The following IFIH1 variants were observed in gnomAD, a reference collection of about 807,000 sequenced individuals.
IFIH1 encodes the protein interferon-induced helicase C domain-containing protein 1.
IFIH1 carries 125 observed loss-of-function variants against 107.4 expected under a neutral mutation model. The observed-to-expected ratio is 1.16, with a 90% CI of 1.01 to 1.35. The LOEUF is 1.35. IFIH1 is among the 40% of genes most tolerant of loss of function. The pLI is 0.00. For synonymous variants in IFIH1, 458 were observed against 413.2 expected (o/e 1.11, Z -1.31); for missense variants, 1,333 against 1,213.7 (o/e 1.10, Z -1.46).
At chr2:162,317,068 T>G (rs1683505558) in intron 1 of IFIH1, among the ~76,000 whole-genome samples, 1 of 150,714 alleles carries the variant, frequency 6.6e-6, no homozygotes, top group Non-Finnish European at 1.5e-5. Context: ...ATTTACCCAT[T>G]TGGGCTAAGA....
chr2:162,317,932 C>T lies in IFIH1; in HGVS notation c.376G>A (p.Val126Met), dbSNP rs143910264. Residue 126 changes from valine to methionine, a missense_variant, in exon 1 of 16, where the codon GTG (valine) becomes ATG (methionine). By Grantham distance (21) the Val-to-Met change is conservative (BLOSUM62 1). Coordinates refer to ENST00000649979, the MANE Select transcript of IFIH1 (RefSeq NM_022168.4). ...ACGTCTCTAACTAGAAGCTTGTCCA[C>T]CAGAGTGGGCTGAAGGAGGTTCAGC... ...QLLNLLQPTL[V>M]DKLLVRDVLD... 6 of 1,614,040 alleles carry T rather than the reference C, an allele frequency of 3.7e-6. No homozygotes were observed. The highest frequency in any genetic ancestry group is 5.1e-6 in the Non-Finnish European group (6 of 1,179,940).
intron 1 of IFIH1, among the ~76,000 whole-genome samples, chr2:162,312,281 T>C (rs1464741372): frequency 6.6e-6 from 1 of 152,204 alleles, no homozygotes; most frequent in Non-Finnish European, 1.5e-5. Context: ...ACATACAGCA[T>C]GGTCTCTACC....
intron 13 of IFIH1, among the ~76,000 whole-genome samples, chr2:162,271,072 G>T (rs1168629019): frequency 6.6e-6 from 1 of 152,004 alleles, no homozygotes; most frequent in Admixed American, 6.6e-5. Context: ...GTGGTATGGG[G>T]GATTTCCTGA....
At position 162,280,123 on chromosome 2, in the gene IFIH1, G is replaced by C; in HGVS notation, c.1525-11C>G. The C allele has an allele frequency of 7.4e-7, 1 of 1,345,612 alleles. No homozygotes were observed. 83.4% of individuals were successfully genotyped at this position (1,345,612 alleles called of 1,614,324 possible). On this transcript the variant is annotated splice_polypyrimidine_tract_variant and intron_variant, in intron 7 of 15. Coordinates refer to ENST00000649979, the MANE Select transcript of IFIH1 (RefSeq NM_022168.4). ...AAGATTGGCACATAGCTGGAAAAGA[G>C]ACATTTTTCAATATTTATGCAATTA...
chr2:162,291,194 G>T (rs748292887), intron 4 of IFIH1, among the ~76,000 whole-genome samples: 2 of 151,600 alleles, frequency 1.3e-5, no homozygotes, highest in Admixed American at 1.3e-4. Flanking sequence ...ATCAAATAAG[G>T]CTTAAATAAT....
In IFIH1 at chr2:162,299,185, C is replaced by G. The variant is rs76044456; in HGVS notation, c.770-5517G>C. Among the ~76,000 whole-genome samples, 849 of 152,268 alleles carry G rather than the reference C, an allele frequency of 5.6e-3. 57 individuals are homozygous for G. In the East Asian group the frequency reaches 0.15, roughly 26 times the overall value. ...GATAACAACACACACCAGAATGACC[C>G]ATTCATTCACTGCCAGTCAGTAATG... On this transcript the variant is annotated intron_variant, in intron 3 of 15. Coordinates refer to ENST00000649979, the MANE Select transcript of IFIH1 (RefSeq NM_022168.4).
Position 162,276,942 on chromosome 2 carries a change from G to A in IFIH1, c.2049C>T (p.Asn683=), listed in dbSNP as rs753209427. The change falls in exon 11 of 16, where the codon AAC becomes AAT. Residue 683 remains asparagine, a synonymous_variant. Coordinates refer to ENST00000649979, the MANE Select transcript of IFIH1 (RefSeq NM_022168.4). ...DRFLMTLFFE[N]NKMLKRLAEN... Reference sequence around the variant, plus strand: ...CAGCCAGCCTTTTCAACATTTTATTGTTTTCTTTAAGAAATAATTAGAGTT... The same window carrying A: ...CAGCCAGCCTTTTCAACATTTTATTATTTTCTTTAAGAAATAATTAGAGTT... 109 of 1,594,556 alleles carry A rather than the reference G, an allele frequency of 6.8e-5. No homozygotes were observed. The highest frequency in any genetic ancestry group is 8.5e-5 in the Non-Finnish European group (100 of 1,172,876).
chr2:162,304,489 C>CA (rs1683246598), intron 3 of IFIH1, among the ~76,000 whole-genome samples: 3 of 150,946 alleles, frequency 2.0e-5, no homozygotes, highest in Admixed American at 2.0e-4. Context: ...CCAGAACCCC[C>CA]AAAAAAAGAA....
At chr2:162,269,544 GA>G (rs1347873199) in intron 13 of IFIH1, among the ~76,000 whole-genome samples, 1 of 152,198 alleles carries the variant, frequency 6.6e-6, no homozygotes, top group Non-Finnish European at 1.5e-5. Flanking sequence ...TGTAACATAT[GA>G]AAGTTGACAT....
chr2:162,267,934 T>C (rs1222645631), intron 14 of IFIH1, among the ~76,000 whole-genome samples, 153 bp downstream of exon 14: 1 of 152,226 alleles, frequency 6.6e-6, no homozygotes. Flanking sequence ...ATTTAAAACA[T>C]AGACATTTAA....
rs930530168 is a variant in IFIH1 at position 162,293,847 on chromosome 2, T to C, written c.770-179A>G. On this transcript the variant is annotated intron_variant, in intron 3 of 15. Coordinates refer to ENST00000649979, the MANE Select transcript of IFIH1 (RefSeq NM_022168.4). ...AGGCTACATTAAGAAAAATCCACTATGGATGAGCAGCTGCTGGGTAGTGAT... is the reference window on the plus strand; with the variant it reads ...AGGCTACATTAAGAAAAATCCACTACGGATGAGCAGCTGCTGGGTAGTGAT... Among the ~76,000 whole-genome samples, 5 of 151,894 alleles carry C rather than the reference T, an allele frequency of 3.3e-5. 1 individual carries two copies. The highest frequency in any genetic ancestry group is 6.3e-3 in the Middle Eastern group (2 of 316).
chr2:162,300,165 G>A (rs890727718), intron 3 of IFIH1, among the ~76,000 whole-genome samples: 1 of 152,014 alleles, frequency 6.6e-6, no homozygotes, highest in Non-Finnish European at 1.5e-5. Flanking sequence ...GAGAGTGAAC[G>A]CAATTCCTCA....
intron 4 of IFIH1, among the ~76,000 whole-genome samples, chr2:162,291,507 AG>A (rs1682996918): frequency 6.6e-6 from 1 of 151,096 alleles, no homozygotes; most frequent in African/African-American, 2.4e-5. Context: ...GAAAAAAAAA[AG>A]CCTCTCATAA....
intron 4 of IFIH1, among the ~76,000 whole-genome samples, chr2:162,291,599 T>C (rs966748771): frequency 1.3e-5 from 2 of 151,758 alleles, no homozygotes; most frequent in African/African-American, 4.8e-5. Context: ...GAATATAATA[T>C]GATTGTTTTG....
In IFIH1 at chr2:162,280,037, C is replaced by T. The variant is rs753875353; in HGVS notation, c.1600G>A (p.Glu534Lys). 1.9e-6 allele frequency: 3 copies of T among 1,611,112 alleles called. No homozygotes were observed. Among genetic ancestry groups the T allele is most frequent in the Non-Finnish European group, 2.5e-6 (3 of 1,177,814 alleles). The change falls in exon 8 of 16, where the codon GAG becomes AAG. Residue 534 changes from glutamate to lysine, a missense_variant. Transcript: ENST00000649979. ...NLDQLKNQIQEPCKKFAIADA... is the reference protein window; with the variant it reads ...NLDQLKNQIQKPCKKFAIADA... Reference sequence around the variant, plus strand: ...GCAATGGCAAACTTCTTGCATGGCTCCTGTATTTGGTTTTTCAGTTGATCA... The same window carrying T: ...GCAATGGCAAACTTCTTGCATGGCTTCTGTATTTGGTTTTTCAGTTGATCA...
chr2:162,318,123 A>G lies in IFIH1; in HGVS notation c.185T>C (p.Leu62Pro). ...GACTCCCTTCTCCAAGGTGCTCAGCAGCAGTTCAACTGCCTGCATGTTCCC... is the reference window on the plus strand; with the variant it reads ...GACTCCCTTCTCCAAGGTGCTCAGCGGCAGTTCAACTGCCTGCATGTTCCC... ...TSGNMQAVEL[L>P]LSTLEKGVWH... The change falls in exon 1 of 16, where the codon CTG becomes CCG. Residue 62 changes from leucine to proline, a missense_variant. Leu to Pro is a moderately conservative substitution (Grantham distance 98, BLOSUM62 -3). Transcript: ENST00000649979. 6.2e-7 allele frequency: 1 copy of G among 1,614,190 alleles called. No individual in the cohort carries two copies. Among genetic ancestry groups the G allele is most frequent in the Non-Finnish European group, 8.5e-7 (1 of 1,180,026 alleles).
rs749975679 is a variant in IFIH1, at chr2:162,280,747, A to T, written c.1524+581T>A. On this transcript the variant is annotated intron_variant, in intron 7 of 15. Transcript: ENST00000649979. ...ACTTAAAGTAAGGGACTTAAAATTC[A>T]AATGCAATTGCCTTGGTACCAAAAT... Among the ~76,000 whole-genome samples the T allele has an allele frequency of 4.1e-4, 62 of 152,102 alleles. 1 individual carries two copies. Among genetic ancestry groups the T allele is most frequent in the Non-Finnish European group, 7.1e-4 (48 of 67,980 alleles).
chr2:162,317,854 C>G lies in IFIH1; in HGVS notation c.453+1G>C. 1 of 1,566,406 alleles carries G rather than the reference C, an allele frequency of 6.4e-7. No homozygotes were observed. Among genetic ancestry groups the G allele is most frequent in the South Asian group, 1.2e-5 (1 of 82,492 alleles). ...CTAGCTCCATCTGAACAGACACCTA[C>G]CCGGTTTCTGTCTTCAATTGTCAAC... On this transcript the variant is annotated splice_donor_variant, in intron 1 of 15. Coordinates refer to ENST00000649979, the MANE Select transcript of IFIH1 (RefSeq NM_022168.4). LOFTEE classifies it high-confidence loss of function.
At chr2:162,280,975 T>C (rs1248357580) in intron 7 of IFIH1, among the ~76,000 whole-genome samples, 2 of 152,186 alleles carry the variant, frequency 1.3e-5, no homozygotes, top group East Asian at 3.9e-4. Context: ...AGTAAGACTT[T>C]ATTATGTGTG....
Sources: gnomAD v4.1 joint callset for allele counts (sites outside exome capture counted in the v4.1 genomes callset) on GRCh38, gnomAD v4.1.1 for gene constraint, MANE v1.5 for transcripts, NCBI Gene and HGNC (gene_info 2026-07-23, HGNC 2026-07-21) for gene names.